The following CCSER1 variants were observed in gnomAD, a reference collection of about 807,000 sequenced individuals.
The protein encoded by CCSER1 is serine-rich coiled-coil domain-containing protein 1.
In CCSER1, 41 loss-of-function variants were observed where a neutral mutation model predicts 82.0. That is an observed-to-expected ratio of 0.50 (90% CI 0.39 to 0.65). The LOEUF (loss-of-function observed/expected upper bound fraction) is 0.65, where lower values mean the gene tolerates loss of function less well. Ranked by LOEUF, CCSER1 falls within the 30% of genes least tolerant of loss-of-function variation. The probability of loss-of-function intolerance (pLI) is 0.00; values close to 1 mark genes in which losing one functional copy is unlikely to be tolerated. For synonymous variants in CCSER1, 414 were observed against 383.9 expected (o/e 1.08, Z -0.92); for missense variants, 1,119 against 1,064.2 (o/e 1.05, Z -0.72).
intron 10 of CCSER1, among the ~76,000 whole-genome samples, chr4:91,566,348 T>C (rs1207986346): frequency 6.6e-6 from 1 of 152,070 alleles, no homozygotes; most frequent in African/African-American, 2.4e-5. Context: ...GACTAAGTTT[T>C]CTTTCTTTGT....
intron 3 of CCSER1, among the ~76,000 whole-genome samples, chr4:90,375,725 T>G (rs1440577177): frequency 6.6e-6 from 1 of 152,140 alleles, no homozygotes; most frequent in South Asian, 2.1e-4. Flanking sequence ...TGCAAAACAT[T>G]GCCAAACCTC....
At chr4:90,161,698 T>TA (rs1358111337) in intron 1 of CCSER1, among the ~76,000 whole-genome samples, 8 of 152,084 alleles carry the variant, frequency 5.3e-5, no homozygotes, top group Non-Finnish European at 8.8e-5. Context: ...TAATAATAGG[T>TA]AAAACGTGGG....
chr4:90,469,575 A>G (rs1210059709), intron 5 of CCSER1, among the ~76,000 whole-genome samples: 1 of 148,422 alleles, frequency 6.7e-6, no homozygotes, highest in African/African-American at 2.5e-5. Flanking sequence ...ACATTTCCTT[A>G]TCTTTTATTT....
chr4:90,992,817 C>A (rs1342968711), intron 9 of CCSER1, among the ~76,000 whole-genome samples: 8 of 151,870 alleles, frequency 5.3e-5, no homozygotes, highest in Non-Finnish European at 1.5e-5. Flanking sequence ...ACTTTGCTTA[C>A]CCAAAGTAAG....
At chr4:91,284,901 A>C (rs886309242) in intron 10 of CCSER1, among the ~76,000 whole-genome samples, 1 of 152,128 alleles carries the variant, frequency 6.6e-6, no homozygotes, top group Non-Finnish European at 1.5e-5. Context: ...CAAAAAATGC[A>C]GGACTTTCCA....
chr4:90,183,931 A>G (rs1430116080), intron 1 of CCSER1, among the ~76,000 whole-genome samples: 1 of 152,148 alleles, frequency 6.6e-6, no homozygotes, highest in African/African-American at 2.4e-5. Flanking sequence ...AATAAATAAT[A>G]CCATAAAATT....
intron 5 of CCSER1, among the ~76,000 whole-genome samples, chr4:90,609,633 A>G (rs1579449498): frequency 1.3e-5 from 2 of 152,224 alleles, no homozygotes; most frequent in East Asian, 3.9e-4. Context: ...TATGCCTTAT[A>G]GCACACAAAT....
intron 9 of CCSER1, among the ~76,000 whole-genome samples, chr4:90,995,916 A>G (rs1231533096): frequency 6.6e-6 from 1 of 152,098 alleles, no homozygotes; most frequent in Non-Finnish European, 1.5e-5. Flanking sequence ...CTATACAGAT[A>G]TGCAACTATA....
At chr4:91,203,123 G>T (rs547728406) in intron 10 of CCSER1, among the ~76,000 whole-genome samples, 1 of 151,812 alleles carries the variant, frequency 6.6e-6, no homozygotes, top group East Asian at 1.9e-4. Context: ...CAGTGTAAAA[G>T]TGTTCCTATT....
chr4:91,291,810 A>G (rs1480086854), intron 10 of CCSER1, among the ~76,000 whole-genome samples: 2 of 152,054 alleles, frequency 1.3e-5, no homozygotes, highest in African/African-American at 4.8e-5. Context: ...AAAGAAAAGC[A>G]TGAGAAATTG....
intron 1 of CCSER1, among the ~76,000 whole-genome samples, chr4:90,157,744 T>C (rs535003738): frequency 1.8e-3 from 279 of 152,338 alleles, no homozygotes; most frequent in South Asian, 6.8e-3. Context: ...TAAGCACTTC[T>C]CTGTATTGGT....
chr4:91,197,516 T>TG (rs755995296), intron 10 of CCSER1, among the ~76,000 whole-genome samples: 17 of 152,242 alleles, frequency 1.1e-4, no homozygotes, highest in Non-Finnish European at 1.9e-4. Context: ...CTTTATTTAG[T>TG]TTTAGTTTGT....
At chr4:90,817,893 G>A (rs1759225102) in intron 8 of CCSER1, among the ~76,000 whole-genome samples, 2 of 152,110 alleles carry the variant, frequency 1.3e-5, no homozygotes, top group Non-Finnish European at 2.9e-5. Context: ...TGTTATGGTG[G>A]AGGTTAAATT....
At chr4:90,806,905 C>A (rs2149722293) in intron 7 of CCSER1, among the ~76,000 whole-genome samples, 1 of 151,264 alleles carries the variant, frequency 6.6e-6, no homozygotes, top group African/African-American at 2.4e-5. Context: ...CTTTCCCTTC[C>A]TTAATAAACT....
chr4:90,336,772 T>C (rs1740480930), intron 3 of CCSER1, among the ~76,000 whole-genome samples: 2 of 152,194 alleles, frequency 1.3e-5, no homozygotes, highest in South Asian at 4.1e-4. Context: ...GAATCCAATA[T>C]GTAAAAATAC....
chr4:91,062,496 T>G (rs1278399972), intron 9 of CCSER1, among the ~76,000 whole-genome samples: 3 of 152,034 alleles, frequency 2.0e-5, no homozygotes, highest in Non-Finnish European at 4.4e-5. Flanking sequence ...CAACTTTTGG[T>G]CCTAACCTTC....
chr4:90,155,230 C>A (rs558095320), intron 1 of CCSER1, among the ~76,000 whole-genome samples: 1 of 152,092 alleles, frequency 6.6e-6, no homozygotes, highest in East Asian at 1.9e-4. Context: ...GGGATGAACC[C>A]ACTTGATCAT....
At chr4:91,115,200 T>G (rs771558632) in intron 10 of CCSER1, among the ~76,000 whole-genome samples, 1 of 152,222 alleles carries the variant, frequency 6.6e-6, no homozygotes. Flanking sequence ...AGTTACCAAC[T>G]TTGTCAATAT....
In CCSER1 at chr4:90,308,680, A is replaced by C; in HGVS notation, c.396A>C (p.Thr132=). The C allele has an allele frequency of 1.2e-6, 2 of 1,613,568 alleles. No individual in the cohort carries two copies. The highest frequency in any genetic ancestry group is 1.7e-6 in the Non-Finnish European group (2 of 1,179,750). The change falls in exon 2 of 11, where the codon ACA becomes ACC. Residue 132 remains threonine, a synonymous_variant. Coordinates refer to ENST00000509176, the MANE Select transcript of CCSER1 (RefSeq NM_001145065.2). ...SRNKKITRSL[T]EDFEREKEHS... is the part of the protein sequence containing the mutation. ...ATAAGAAGATAACAAGATCTTTGAC[A>C]GAGGATTTTGAAAGGGAAAAAGAGC... is the stretch of plus-strand genomic sequence containing the variant.
Sources: allele counts gnomAD v4.1 joint callset (sites outside exome capture counted in the v4.1 genomes callset), GRCh38; gene constraint gnomAD v4.1.1; transcripts MANE v1.5; gene names NCBI Gene and HGNC (gene_info 2026-07-23, HGNC 2026-07-21).